The following GRK5 variants were observed in gnomAD, a reference collection of about 807,000 sequenced individuals.
The protein encoded by GRK5 is g protein-coupled receptor kinase GRK5.
A neutral mutation model predicts 78.4 loss-of-function variants in GRK5; 40 were observed. The observed-to-expected ratio is 0.51, with a 90% CI of 0.40 to 0.66. The LOEUF (loss-of-function observed/expected upper bound fraction) is 0.66, where lower values mean the gene tolerates loss of function less well. Among genes scored for constraint, GRK5 ranks in the 30% least tolerant of loss-of-function variants. The pLI is 0.00. For synonymous variants in GRK5, 289 were observed against 296.8 expected (o/e 0.97, Z 0.27); for missense variants, 598 against 759.9 (o/e 0.79, Z 2.50).
intron 2 of GRK5, chr10:119,335,993 A>T (rs538448887): frequency 6.6e-6 from 1 of 152,578 alleles, no homozygotes; most frequent in South Asian, 2.1e-4. Flanking sequence ...CGTCATTGTC[A>T]TCGTCATCCT....
intron 1 of GRK5, among the ~76,000 whole-genome samples, chr10:119,298,275 C>T (rs528284462): frequency 1.3e-5 from 2 of 152,274 alleles, no homozygotes; most frequent in South Asian, 4.1e-4. Flanking sequence ...CCTAATAAGG[C>T]AGATGTGTTC....
At chr10:119,429,133 C>T (rs1206379309) in intron 6 of GRK5, among the ~76,000 whole-genome samples, 2 of 152,178 alleles carry the variant, frequency 1.3e-5, no homozygotes, top group Non-Finnish European at 2.9e-5. Context: ...AGCTCTGCTT[C>T]GGTGGGGTTT....
At chr10:119,292,733 G>T (rs1409017613) in intron 1 of GRK5, among the ~76,000 whole-genome samples, 1 of 152,042 alleles carries the variant, frequency 6.6e-6, no homozygotes, top group African/African-American at 2.4e-5. Context: ...ACAGCCTCTG[G>T]TATATTTTAA....
At chr10:119,259,667 T>C (rs576616539) in intron 1 of GRK5, among the ~76,000 whole-genome samples, 377 of 152,304 alleles carry the variant, frequency 2.5e-3, no homozygotes, top group African/African-American at 8.6e-3. Context: ...CGCTGTCCAA[T>C]GGAACCTTCT....
intron 1 of GRK5, among the ~76,000 whole-genome samples, chr10:119,313,074 G>GTAA (rs1850405624): frequency 5.4e-5 from 3 of 55,806 alleles, no homozygotes; most frequent in African/African-American, 2.7e-4. Flanking sequence ...GGTGGTGATG[G>GTAA]TGGTGGTGGT....
chr10:119,227,830 A>G (rs937078850), intron 1 of GRK5, among the ~76,000 whole-genome samples: 4 of 152,230 alleles, frequency 2.6e-5, no homozygotes. Context: ...GGTTCTTTCA[A>G]ACATTACGAT....
At chr10:119,305,444 A>G (rs1333254301) in intron 1 of GRK5, among the ~76,000 whole-genome samples, 1 of 152,212 alleles carries the variant, frequency 6.6e-6, no homozygotes, top group African/African-American at 2.4e-5. Context: ...GATGAGCAAA[A>G]TGGACGTGGT....
chr10:119,310,658 G>A (rs570744586), intron 1 of GRK5, among the ~76,000 whole-genome samples: 1 of 152,332 alleles, frequency 6.6e-6, no homozygotes, highest in Admixed American at 6.5e-5. Flanking sequence ...CCTAAGAGAT[G>A]TAGAGGGATA....
chr10:119,327,544 C>T (rs1850700519), intron 2 of GRK5, among the ~76,000 whole-genome samples: 4 of 152,224 alleles, frequency 2.6e-5, no homozygotes, highest in Admixed American at 2.0e-4. Flanking sequence ...CCCAGCTTTT[C>T]TGGGGACTTC....
chr10:119,251,423 A>G (rs576191786), intron 1 of GRK5, among the ~76,000 whole-genome samples: 1 of 152,362 alleles, frequency 6.6e-6, no homozygotes, highest in South Asian at 2.1e-4. Flanking sequence ...TCAAGAACAT[A>G]CTCAGAACTT....
At chr10:119,244,472 G>A (rs377267192) in intron 1 of GRK5, among the ~76,000 whole-genome samples, 2 of 152,232 alleles carry the variant, frequency 1.3e-5, no homozygotes, top group Non-Finnish European at 1.5e-5. Flanking sequence ...ATGACTATAA[G>A]TATATGAAAA....
At chr10:119,270,120 G>A (rs898688335) in intron 1 of GRK5, among the ~76,000 whole-genome samples, 16 of 152,172 alleles carry the variant, frequency 1.1e-4, no homozygotes, top group African/African-American at 3.4e-4. Flanking sequence ...ACCTTCTTGG[G>A]GGCCTGTTAT....
intron 1 of GRK5, among the ~76,000 whole-genome samples, chr10:119,211,268 A>G (rs886589309): frequency 9.2e-5 from 14 of 152,208 alleles, no homozygotes; most frequent in African/African-American, 2.9e-4. Context: ...ATTCATGGCA[A>G]TTTATGGGAA....
intron 1 of GRK5, among the ~76,000 whole-genome samples, chr10:119,240,189 CTTTTTTTTT>C (rs55905745): frequency 6.3e-4 from 44 of 70,094 alleles, no homozygotes; most frequent in African/African-American, 1.8e-3. Context: ...TGTTTCCCGA[CTTTTTTTTT>C]TTTTTTTTTT....
intron 2 of GRK5, among the ~76,000 whole-genome samples, chr10:119,369,392 G>C (rs1851508464): frequency 6.6e-6 from 1 of 152,138 alleles, no homozygotes; most frequent in African/African-American, 2.4e-5. Context: ...CCCCGTCCCG[G>C]CTCACTGGAA....
chr10:119,452,036 G>A lies in GRK5; in HGVS notation c.1405-635G>A, dbSNP rs1044512266. On this transcript the variant is annotated intron_variant, in intron 13 of 15. Coordinates refer to ENST00000392870, the MANE Select transcript of GRK5 (RefSeq NM_005308.3). This position sits in a 1 kb window ranked among gnomAD's most constrained non-coding sequence, Gnocchi z 4.4. ...CTCTTAGAGGGCAGGGTCCACCCAG[G>A]TTCATCTCTGCCCTGGCATAGAGCA... Among the ~76,000 whole-genome samples, 1 of 152,160 alleles carries A rather than the reference G, an allele frequency of 6.6e-6. No individual in the cohort carries two copies. Among genetic ancestry groups the A allele is most frequent in the Admixed American group, 6.5e-5 (1 of 15,282 alleles).
At chr10:119,261,781 T>A (rs187235720) in intron 1 of GRK5, among the ~76,000 whole-genome samples, 2,204 of 152,214 alleles carry the variant, frequency 0.014, 24 homozygotes, top group South Asian at 0.045. Flanking sequence ...CGCCTGCAAT[T>A]GCAGGCACTC....
chr10:119,371,653 G>A (rs1851549652), intron 2 of GRK5, among the ~76,000 whole-genome samples: 1 of 152,228 alleles, frequency 6.6e-6, no homozygotes. Context: ...CCGGAGCTCA[G>A]GGCCGAAGGG....
intron 2 of GRK5, among the ~76,000 whole-genome samples, chr10:119,362,257 G>A (rs868474249): frequency 6.6e-6 from 1 of 152,238 alleles, no homozygotes; most frequent in Non-Finnish European, 1.5e-5. Context: ...CCTGTCCCTT[G>A]TAAGTAAGTC....
Sources: allele counts gnomAD v4.1 joint callset (sites outside exome capture counted in the v4.1 genomes callset), GRCh38; gene constraint gnomAD v4.1.1; non-coding constraint Gnocchi (gnomAD v3.1); transcripts MANE v1.5; gene names NCBI Gene and HGNC (gene_info 2026-07-23, HGNC 2026-07-21).